TSEN34: variants seen among roughly 807,000 people sequenced by gnomAD.
TSEN34 encodes tRNA splicing endonuclease subunit 34.
In TSEN34, 25 loss-of-function variants were observed where a neutral mutation model predicts 30.2. That is an observed-to-expected ratio of 0.83 (90% CI 0.60 to 1.16). The LOEUF (loss-of-function observed/expected upper bound fraction) is 1.16. TSEN34 is among the 50% of genes most tolerant of loss of function. The pLI is 0.00. For missense variants in TSEN34, 475 were observed against 411.9 expected, an observed-to-expected ratio of 1.15 and a Z score of -1.33; for synonymous variants, 209 against 177.4, an observed-to-expected ratio of 1.18 and a Z score of -1.41.
rs373725676 is a variant in TSEN34 at position 54,191,356 on chromosome 19, C to T, written c.-9C>T. On this transcript the variant is annotated 5_prime_UTR_variant, in exon 1 of 4. Coordinates refer to ENST00000396388, the MANE Select transcript of TSEN34 (RefSeq NM_001077446.4). ...GGTAACTGCTTTGCCTCCCGGCTCCCGCAGGAGGATGCTGGTGGTGGAGGT... is the reference window on the plus strand; with the variant it reads ...GGTAACTGCTTTGCCTCCCGGCTCCTGCAGGAGGATGCTGGTGGTGGAGGT... 125 of 1,549,606 alleles carry T rather than the reference C, an allele frequency of 8.1e-5. No individual in the cohort carries two copies. The highest frequency in any genetic ancestry group is 6.3e-4 in the South Asian group (53 of 84,118).
rs2076786925 is a variant in TSEN34 at position 54,193,515 on chromosome 19, C to T, written c.*153C>T. ...TCGAACACTACATCTTTTTTATGTT[C>T]TTCCTTGTTTCAAAGCACTTATTGG... On this transcript the variant is annotated 3_prime_UTR_variant, in exon 4 of 4. Transcript: ENST00000396388. 42 of 1,540,550 alleles carry T rather than the reference C, an allele frequency of 2.7e-5. No individual in the cohort carries two copies. The highest frequency in any genetic ancestry group is 1.7e-5 in the Non-Finnish European group (20 of 1,145,156).
rs36622 is a variant in TSEN34, at chr19:54,193,747, A to G, written c.*385A>G. The G allele has an allele frequency of 0.21, 149,434 of 712,122 alleles. 17,514 individuals carry two copies. Among genetic ancestry groups the G allele is most frequent in the East Asian group, 0.41 (15,117 of 37,282 alleles). The allele number at this position is 712,122 out of a possible 1,614,324, so 44.1% of individuals were successfully genotyped here. On this transcript the variant is annotated 3_prime_UTR_variant, in exon 4 of 4. Transcript: ENST00000396388. Reference sequence around the variant, plus strand: ...TACAGGTGAGAAAAAGGCCTGGAGGAGGGGGACTGACTTGCCCAAAGTCAC... The same window carrying G: ...TACAGGTGAGAAAAAGGCCTGGAGGGGGGGGACTGACTTGCCCAAAGTCAC...
chr19:54,193,404 G>A lies in TSEN34; in HGVS notation c.*42G>A. ...GGATGTGGCTGTGTCGGCAGCAAGAGCCTTTCTGGATGTTCCCCAGCTCTT... is the reference window on the plus strand; with the variant it reads ...GGATGTGGCTGTGTCGGCAGCAAGAACCTTTCTGGATGTTCCCCAGCTCTT... On this transcript the variant is annotated 3_prime_UTR_variant, in exon 4 of 4. Transcript: ENST00000396388. 3 of 1,612,610 alleles carry A rather than the reference G, an allele frequency of 1.9e-6. No individual in the cohort carries two copies. Among genetic ancestry groups the A allele is most frequent in the Middle Eastern group, 1.7e-4 (1 of 6,032 alleles).
chr19:54,191,156 C>G (rs938331980), upstream of TSEN34: 70 of 1,362,526 alleles, frequency 5.1e-5, no homozygotes, highest in Non-Finnish European at 6.2e-5. Context: ...CGTCTCGTCT[C>G]CGGCGGCCGC....
chr19:54,191,348 C>T lies in TSEN34; in HGVS notation c.-17C>T. On this transcript the variant is annotated 5_prime_UTR_variant, in exon 1 of 4. Coordinates refer to ENST00000396388, the MANE Select transcript of TSEN34 (RefSeq NM_001077446.4). ...GCTGTTTCGGTAACTGCTTTGCCTC[C>T]CGGCTCCCGCAGGAGGATGCTGGTG... The T allele has an allele frequency of 6.5e-7, 1 of 1,549,302 alleles. No homozygotes were observed. Among genetic ancestry groups the T allele is most frequent in the Non-Finnish European group, 8.7e-7 (1 of 1,146,832 alleles).
In TSEN34 at chr19:54,192,141, C is replaced by T. The variant is rs1289666290; in HGVS notation, c.513C>T (p.Pro171=). The stretch of plus-strand genomic sequence containing the variant: ...GCCCCTCGTCTTCCCAAGCAGGACC[C>T]TCAAATGGGGTAGCCCCCTTGCCCA... ...EAGPSSSQAG[P]SNGVAPLPRS... is the part of the protein sequence containing the mutation. The change falls in exon 3 of 4, where the codon CCC becomes CCT. Residue 171 remains proline, a synonymous_variant. Coordinates refer to ENST00000396388, the MANE Select transcript of TSEN34 (RefSeq NM_001077446.4). 10 of 1,614,128 alleles carry T rather than the reference C, an allele frequency of 6.2e-6. No homozygotes were observed. Among genetic ancestry groups the T allele is most frequent in the East Asian group, 2.2e-5 (1 of 44,896 alleles).
Position 54,193,419 on chromosome 19 carries a change from C to G in TSEN34, c.*57C>G. 6.2e-7 allele frequency: 1 copy of G among 1,609,158 alleles called. No individual in the cohort carries two copies. Among genetic ancestry groups the G allele is most frequent in the Non-Finnish European group, 8.5e-7 (1 of 1,177,932 alleles). ...GGCAGCAAGAGCCTTTCTGGATGTT[C>G]CCCAGCTCTTCTCTGGGAGTCTAGA... On this transcript the variant is annotated 3_prime_UTR_variant, in exon 4 of 4. Coordinates refer to ENST00000396388, the MANE Select transcript of TSEN34 (RefSeq NM_001077446.4).
At chr19:54,190,923 G>GA (rs2076651865), upstream of TSEN34, 6 of 1,051,196 alleles carry the variant, frequency 5.7e-6, no homozygotes, top group Middle Eastern at 4.5e-4. Flanking sequence ...CCGCTGACGG[G>GA]AACACCCGAA....
Position 54,191,828 on chromosome 19 carries a change from G to A in TSEN34, c.351G>A (p.Thr117=). ...GTCAGGAGCTCCTGGAGAAGATTAC[G>A]GAGGGCCAGGCTGCTAAGAAGCAGA... ...TRRQELLEKI[T]EGQAAKKQKL... The change falls in exon 2 of 4, where the codon ACG becomes ACA. Residue 117 remains threonine (T), a synonymous_variant. Coordinates refer to ENST00000396388, the MANE Select transcript of TSEN34 (RefSeq NM_001077446.4). 6.2e-7 allele frequency: 1 copy of A among 1,614,190 alleles called. No homozygotes were observed. The highest frequency in any genetic ancestry group is 8.5e-7 in the Non-Finnish European group (1 of 1,180,024).
Position 54,191,593 on chromosome 19 carries a change from C to T in TSEN34, c.229C>T (p.Arg77Trp), listed in dbSNP as rs2076701541. Residue 77 changes from arginine to tryptophan, a missense_variant, in exon 1 of 4, where the codon CGG (arginine) becomes TGG (tryptophan). Coordinates refer to ENST00000396388, the MANE Select transcript of TSEN34 (RefSeq NM_001077446.4). ...TLVSAPRPDS[R>W]HHSLALTSFK... ...GGTCAGCGCCCCGCGTCCAGACTCT[C>T]GGCACCACAGCCTGGTAAGGGGGCG... 1.2e-6 allele frequency: 2 copies of T among 1,603,300 alleles called. No individual in the cohort carries two copies. Among genetic ancestry groups the T allele is most frequent in the South Asian group, 2.2e-5 (2 of 91,020 alleles).
rs2076787007 is a variant in TSEN34, at chr19:54,193,514, TCTTC to T, written c.*156_*159del. 1.3e-6 allele frequency: 2 copies of T among 1,541,162 alleles called. No individual in the cohort carries two copies. Among genetic ancestry groups the T allele is most frequent in the Non-Finnish European group, 1.7e-6 (2 of 1,145,308 alleles). On this transcript the variant is annotated 3_prime_UTR_variant, in exon 4 of 4. Transcript: ENST00000396388. ...TTCGAACACTACATCTTTTTTATGT[TCTTC>T]CTTGTTTCAAAGCACTTATTGGCTG...
chr19:54,193,959 T>C lies in TSEN34; in HGVS notation c.*597T>C, dbSNP rs2076802195. The C allele has an allele frequency of 2.4e-6, 1 of 425,128 alleles. No individual in the cohort carries two copies. Among genetic ancestry groups the C allele is most frequent in the East Asian group, 4.2e-5 (1 of 23,666 alleles). The allele number at this position is 425,128 out of a possible 1,614,324, so 26.3% of individuals were successfully genotyped here. A position where few individuals can be genotyped will look rare whatever the true frequency, so the allele number is the denominator to read the frequency against. ...CCACACCTGTAATCCCACAGAACTT[T>C]TGGAGGCCAAGGCAGGGGGATCGCT... On this transcript the variant is annotated 3_prime_UTR_variant, in exon 4 of 4. Transcript: ENST00000396388.
At chr19:54,190,745 C>A (rs1223481595), upstream of TSEN34, 3 of 1,186,434 alleles carry the variant, frequency 2.5e-6, no homozygotes, top group Non-Finnish European at 3.1e-6. Flanking sequence ...GACGCCCGAA[C>A]GCCGAACTTC....
At chr19:54,193,131 G>T (rs371237774) in intron 3 of TSEN34, 44 bp from the exon 4 acceptor site, 1 of 1,611,426 alleles carries the variant, frequency 6.2e-7, no homozygotes, top group East Asian at 2.2e-5. Context: ...GCGTCCAGCC[G>T]TCTGCCATTG....
chr19:54,190,651 G>T (rs959422695), upstream of TSEN34: 1 of 1,262,002 alleles, frequency 7.9e-7, no homozygotes, highest in African/African-American at 1.6e-5. Flanking sequence ...GCGGGGCTAC[G>T]GATTCGGCCG....
intron 3 of TSEN34, 49 bp from the exon 4 acceptor site, chr19:54,193,126 C>T (rs185958007): frequency 2.5e-6 from 4 of 1,611,262 alleles, no homozygotes; most frequent in East Asian, 2.2e-5. Context: ...CCGTGGCGTC[C>T]AGCCGTCTGC....
At chr19:54,190,435 A>C, upstream of TSEN34, 1 of 1,439,766 alleles carries the variant, frequency 6.9e-7, no homozygotes, top group Non-Finnish European at 9.2e-7. Flanking sequence ...AGGCGGACTG[A>C]GCGCTCCCAA....
In TSEN34 at chr19:54,193,561, A is replaced by T. The variant is rs527437622; in HGVS notation, c.*199A>T. ...ATTGGCTGTGTTTTTGTAGTTACCT[A>T]TTTTCACACTGTGAGCTTCCCGAGA... On this transcript the variant is annotated 3_prime_UTR_variant, in exon 4 of 4. Coordinates refer to ENST00000396388, the MANE Select transcript of TSEN34 (RefSeq NM_001077446.4). 4.6e-6 allele frequency: 7 copies of T among 1,530,252 alleles called. No individual in the cohort carries two copies. In the African/African-American group the frequency reaches 9.6e-5, roughly 21 times the overall value. 94.8% of individuals were successfully genotyped at this position (1,530,252 alleles called of 1,614,324 possible).
At position 54,191,479 on chromosome 19, in the gene TSEN34, G is replaced by A. The variant is rs764561719; in HGVS notation, c.115G>A (p.Gly39Arg). ...CCGCACGGTAGGCGCCCTGCCCCGCGGGCCCCGCCAGAACTCGCGCCTGGG... is the reference window on the plus strand; with the variant it reads ...CCGCACGGTAGGCGCCCTGCCCCGCAGGCCCCGCCAGAACTCGCGCCTGGG... ...GGRTVGALPR[G>R]PRQNSRLGLP... Residue 39 changes from glycine (G) to arginine (R), a missense_variant, in exon 1 of 4, where the codon GGG (glycine) becomes AGG (arginine). Transcript: ENST00000396388. The A allele has an allele frequency of 3.3e-5, 51 of 1,554,426 alleles. No individual in the cohort carries two copies. The Admixed American group carries it at 7.3e-4, about 22-fold the overall frequency.
Sources: gnomAD v4.1 joint callset for allele counts on GRCh38, gnomAD v4.1.1 for gene constraint, MANE v1.5 for transcripts, NCBI Gene and HGNC (gene_info 2026-07-23, HGNC 2026-07-21) for gene names.